NLGN4X: variants seen among roughly 807,000 people sequenced by gnomAD.
The protein encoded by NLGN4X is neuroligin 4 X-linked.
A neutral mutation model predicts 40.3 loss-of-function variants in NLGN4X; 3 were observed. The ratio of observed to expected loss-of-function variants is 0.07; its 90% CI spans 0.03 to 0.19. The LOEUF is 0.19. Among genes scored for constraint, NLGN4X ranks in the 10% least tolerant of loss-of-function variants. The pLI is 1.00. For synonymous variants in NLGN4X, 270 were observed against 306.8 expected (o/e 0.88, Z 1.25); for missense variants, 382 against 708.3 (o/e 0.54, Z 5.23).
intron 5 of NLGN4X, among the ~76,000 whole-genome samples, chrX:5,898,199 TCC>T (rs1163652200): frequency 2.2e-4 from 21 of 96,886 alleles, no homozygotes; most frequent in African/African-American, 8.0e-4. Context: ...CCTCCTTCCT[TCC>T]CTTCTTCTTT....
chrX:5,915,369 A>T (rs2032738388), intron 3 of NLGN4X, among the ~76,000 whole-genome samples: 1 of 111,178 alleles, frequency 9.0e-6, no homozygotes, highest in African/African-American at 3.3e-5. Context: ...TACATGAAAT[A>T]AAAAAAAACT....
intron 1 of NLGN4X, among the ~76,000 whole-genome samples, chrX:6,167,132 C>T (rs1005533431): frequency 1.0e-4 from 11 of 108,873 alleles, no homozygotes. Context: ...GAGGTCTTGC[C>T]TAGCTCTTGC....
At chrX:6,098,353 G>T (rs2147478972) in intron 2 of NLGN4X, among the ~76,000 whole-genome samples, 1 of 111,279 alleles carries the variant, frequency 9.0e-6, no homozygotes, top group African/African-American at 3.3e-5. Flanking sequence ...AAAAGCACAA[G>T]GTCTTAGGAA....
chrX:6,191,486 G>A (rs1486172526), intron 1 of NLGN4X, among the ~76,000 whole-genome samples: 2 of 111,709 alleles, frequency 1.8e-5, no homozygotes, highest in Non-Finnish European at 3.8e-5. Flanking sequence ...AGGCCAAAGC[G>A]GATGGATCAC....
intron 2 of NLGN4X, among the ~76,000 whole-genome samples, chrX:6,043,491 G>A (rs750694847): frequency 2.4e-4 from 27 of 111,256 alleles, no homozygotes; most frequent in African/African-American, 6.2e-4. Flanking sequence ...ACTTTTCTCC[G>A]TAGTCAGGAC....
chrX:6,132,133 A>G (rs1039249742), intron 2 of NLGN4X, among the ~76,000 whole-genome samples: 2 of 111,985 alleles, frequency 1.8e-5, no homozygotes, highest in Non-Finnish European at 3.8e-5. Flanking sequence ...AAAATTGAGT[A>G]AGACAATGCT....
At chrX:5,906,326 C>A (rs1459937798) in intron 4 of NLGN4X, among the ~76,000 whole-genome samples, 2 of 111,291 alleles carry the variant, frequency 1.8e-5, no homozygotes, top group African/African-American at 6.5e-5. Flanking sequence ...GCCATTTGGT[C>A]TCATGGGCAA....
rs1320384163 is a variant in NLGN4X, at chrX:6,116,311, A to C, written c.472+34684T>G. On this transcript the variant is annotated intron_variant, in intron 2 of 5. Transcript: ENST00000381095. ...CTGTCAAAAAAAAAAAAAAAAAAAAAAAAAAACACTGTGAAAGAGCGGAAA... is the reference window on the plus strand; with the variant it reads ...CTGTCAAAAAAAAAAAAAAAAAAAACAAAAAACACTGTGAAAGAGCGGAAA... Among the ~76,000 whole-genome samples the C allele has an allele frequency of 2.8e-4, 28 of 100,489 alleles. 1 individual carries two copies. Among genetic ancestry groups the C allele is most frequent in the African/African-American group, 7.0e-4 (19 of 27,040 alleles). The allele number at this position is 100,489 out of a possible 115,157, so 87.3% of individuals were successfully genotyped here. A position where few individuals can be genotyped will look rare whatever the true frequency, so the allele number is the denominator to read the frequency against.
At chrX:5,979,781 T>TAC (rs2035322979) in intron 3 of NLGN4X, among the ~76,000 whole-genome samples, 1 of 100,563 alleles carries the variant, frequency 9.9e-6, no homozygotes, top group African/African-American at 4.3e-5. Context: ...CATACATATA[T>TAC]ATGTGTATAT....
At chrX:6,032,835 A>G in intron 2 of NLGN4X, 1 of 540,272 alleles carries the variant, frequency 1.9e-6, no homozygotes, top group Non-Finnish European at 2.8e-6. Flanking sequence ...AAAGAGAGAG[A>G]TGCTACCCAG....
chrX:5,943,420 A>G (rs764190304), intron 3 of NLGN4X, among the ~76,000 whole-genome samples: 158 of 111,630 alleles, frequency 1.4e-3, no homozygotes, highest in Non-Finnish European at 2.4e-3. Context: ...CATCCGAGCT[A>G]CTCACACTTC....
At chrX:5,953,106 C>G (rs2034371187) in intron 3 of NLGN4X, among the ~76,000 whole-genome samples, 1 of 111,173 alleles carries the variant, frequency 9.0e-6, no homozygotes, top group Non-Finnish European at 1.9e-5. Flanking sequence ...GGCACAGGTT[C>G]ACACCTGTAA....
chrX:6,185,170 AG>A (rs1220552348), intron 1 of NLGN4X, among the ~76,000 whole-genome samples: 2 of 112,408 alleles, frequency 1.8e-5, no homozygotes, highest in African/African-American at 6.5e-5. Flanking sequence ...AAAGAGGAAT[AG>A]CACAAAGGTT....
intron 3 of NLGN4X, among the ~76,000 whole-genome samples, chrX:6,007,480 T>A (rs2036132069): frequency 8.9e-6 from 1 of 112,390 alleles, no homozygotes; most frequent in Non-Finnish European, 1.9e-5. Context: ...TTTATAAACA[T>A]TTTTAAATAA....
At chrX:6,118,925 A>G (rs2039359532) in intron 2 of NLGN4X, among the ~76,000 whole-genome samples, 1 of 111,647 alleles carries the variant, frequency 9.0e-6, no homozygotes, top group South Asian at 3.8e-4. Context: ...GTCTTTGCAC[A>G]TGCTATTCCA....
Position 6,139,582 on chromosome X carries a change from A to AATAT in NLGN4X, c.472+11412_472+11413insATAT, listed in dbSNP as rs770184392. 7.9e-3 allele frequency among the ~76,000 whole-genome samples: 892 copies of AATAT among 112,249 alleles called. 10 individuals carry two copies. The highest frequency in any genetic ancestry group is 0.028 in the African/African-American group (852 of 30,886). Reference sequence around the variant, plus strand: ...GCACAAACATGTGTTTACGCTCTGCATATTCACTCAAGGCTGGGTGAAAAC... The same window carrying AATAT: ...GCACAAACATGTGTTTACGCTCTGCAATATTATTCACTCAAGGCTGGGTGAAAAC... On this transcript the variant is annotated intron_variant, in intron 2 of 5. Coordinates refer to ENST00000381095, the MANE Select transcript of NLGN4X (RefSeq NM_181332.3).
rs2049976308 is a variant in NLGN4X, at chrX:5,984,758, C to A, written c.625+44522G>T. 2.7e-5 allele frequency among the ~76,000 whole-genome samples: 3 copies of A among 111,776 alleles called. No individual in the cohort carries two copies. In the South Asian group the frequency reaches 1.1e-3, roughly 41 times the overall value. On this transcript the variant is annotated intron_variant, in intron 3 of 5. Coordinates refer to ENST00000381095, the MANE Select transcript of NLGN4X (RefSeq NM_181332.3). ...CTCAGATGGCTGAAAGAAGTAATTG[C>A]AAATTAAAATTCAATGAGAATATTG... is the stretch of plus-strand genomic sequence containing the variant.
At chrX:6,036,680 T>C (rs923262579) in intron 2 of NLGN4X, among the ~76,000 whole-genome samples, 1 of 109,690 alleles carries the variant, frequency 9.1e-6, no homozygotes, top group African/African-American at 3.3e-5. Flanking sequence ...TGAGTTTCCT[T>C]TATCTTCTCT....
intron 2 of NLGN4X, among the ~76,000 whole-genome samples, chrX:6,054,015 A>G (rs978359364): frequency 8.9e-6 from 1 of 112,445 alleles, no homozygotes; most frequent in African/African-American, 3.2e-5. Flanking sequence ...ACGAAAGCAC[A>G]GCAGCCACTA....
Sources: gnomAD v4.1 joint callset for allele counts (sites outside exome capture counted in the v4.1 genomes callset) on GRCh38, gnomAD v4.1.1 for gene constraint, MANE v1.5 for transcripts, NCBI Gene and HGNC (gene_info 2026-07-23, HGNC 2026-07-21) for gene names.